The following OR2L13 variants were observed in gnomAD, a reference collection of about 807,000 sequenced individuals.
The protein encoded by OR2L13 is olfactory receptor family 2 subfamily L member 13.
Under a neutral mutation model 15.3 loss-of-function variants are expected in OR2L13, and 14 were observed. That is an observed-to-expected ratio of 0.91 (90% CI 0.60 to 1.43). OR2L13 has a LOEUF of 1.43. Among genes scored for constraint, OR2L13 ranks in the 40% most tolerant of loss-of-function variants. OR2L13 has a pLI of 0.00. For synonymous variants in OR2L13, 152 were observed against 142.9 expected, an observed-to-expected ratio of 1.06 and a Z score of -0.45; for missense variants, 367 against 387.9, an observed-to-expected ratio of 0.95 and a Z score of 0.45.
At chr1:248,063,609 A>G in the OR2L13 span, among the ~76,000 whole-genome samples, 2 of 152,214 alleles carry the variant, frequency 1.3e-5, no homozygotes, top group African/African-American at 4.8e-5. Context: ...GAGAGAAAAT[A>G]GGCCTTCCAT....
At chr1:248,067,482 T>C in the OR2L13 span, among the ~76,000 whole-genome samples, 1 of 152,242 alleles carries the variant, frequency 6.6e-6, no homozygotes, top group African/African-American at 2.4e-5. Flanking sequence ...AGATTAATTT[T>C]CTTTAATAGC....
At chr1:247,992,951 G>T in the OR2L13 span, among the ~76,000 whole-genome samples, 1 of 152,246 alleles carries the variant, frequency 6.6e-6, no homozygotes, top group Admixed American at 6.5e-5. Context: ...TCTTCAGACT[G>T]CTTTCCATAG....
At chr1:247,967,601 A>G in the OR2L13 span, among the ~76,000 whole-genome samples, 1 of 152,180 alleles carries the variant, frequency 6.6e-6, no homozygotes, top group Non-Finnish European at 1.5e-5. Context: ...TTTAGTATCA[A>G]TATTCCATTA....
chr1:248,003,569 T>G, the OR2L13 span: 233 of 1,612,510 alleles, frequency 1.4e-4, 2 homozygotes, highest in Middle Eastern at 2.1e-3. Flanking sequence ...GATAACAGGA[T>G]CTTGGATCAT....
chr1:248,096,351 C>T (rs988215612), upstream of OR2L13, among the ~76,000 whole-genome samples: 8 of 151,358 alleles, frequency 5.3e-5, no homozygotes, highest in South Asian at 1.7e-3. Flanking sequence ...CCACTGCACT[C>T]CAGCCTGGGC....
the OR2L13 span, among the ~76,000 whole-genome samples, chr1:248,043,757 CAG>C: frequency 1.3e-5 from 2 of 152,226 alleles, no homozygotes; most frequent in South Asian, 4.2e-4. Context: ...ACTCCACAGA[CAG>C]AGTAGGGCGT....
At chr1:248,046,259 C>A in the OR2L13 span, among the ~76,000 whole-genome samples, 3 of 151,878 alleles carry the variant, frequency 2.0e-5, no homozygotes, top group Non-Finnish European at 4.4e-5. Flanking sequence ...TGTTTAATAC[C>A]CAAAATATGT....
the OR2L13 span, chr1:248,003,859 C>T: frequency 6.2e-7 from 1 of 1,612,856 alleles, no homozygotes. Flanking sequence ...GCAGCACCCA[C>T]CTCACTGTAG....
chr1:248,018,118 G>A, the OR2L13 span, among the ~76,000 whole-genome samples: 2 of 148,688 alleles, frequency 1.3e-5, no homozygotes, highest in Non-Finnish European at 2.9e-5. Context: ...TCACACCACT[G>A]CACTCCAGCC....
the OR2L13 span, among the ~76,000 whole-genome samples, chr1:248,072,461 T>C: frequency 1.3e-5 from 2 of 152,122 alleles, no homozygotes; most frequent in Admixed American, 6.6e-5. Context: ...CCTTACACCT[T>C]ATACAAAAAT....
At chr1:247,993,760 GGGGAGAGAGAGAGAGA>G in the OR2L13 span, among the ~76,000 whole-genome samples, 145 of 53,764 alleles carry the variant, frequency 2.7e-3, 1 homozygote, top group South Asian at 3.9e-3. Flanking sequence ...ACAGAGAGAG[GGGGAGAGAGAGAGAGA>G]GAGAGAGAGA....
chr1:247,979,034 T>C, the OR2L13 span, among the ~76,000 whole-genome samples: 1 of 152,142 alleles, frequency 6.6e-6, no homozygotes, highest in Non-Finnish European at 1.5e-5. Context: ...CTTTCTTTCA[T>C]ACAGAAATCC....
chr1:248,043,709 A>G, the OR2L13 span, among the ~76,000 whole-genome samples: 1 of 152,152 alleles, frequency 6.6e-6, no homozygotes, highest in African/African-American at 2.4e-5. Context: ...CAAAGCAAAA[A>G]CAAGTTTATT....
chr1:247,964,426 A>C, the OR2L13 span, among the ~76,000 whole-genome samples: 2 of 152,164 alleles, frequency 1.3e-5, no homozygotes, highest in Admixed American at 6.6e-5. Flanking sequence ...CTAGAAAATA[A>C]CACATGACTT....
the OR2L13 span, among the ~76,000 whole-genome samples, chr1:248,043,456 A>T: frequency 6.6e-6 from 1 of 152,212 alleles, no homozygotes; most frequent in Non-Finnish European, 1.5e-5. Context: ...TATGCATGAT[A>T]CTTGGAGAAA....
At chr1:248,088,093 A>G in the OR2L13 span, among the ~76,000 whole-genome samples, 2 of 152,182 alleles carry the variant, frequency 1.3e-5, no homozygotes, top group African/African-American at 4.8e-5. Context: ...ATAGCAATGT[A>G]AACAATGTTA....
the OR2L13 span, among the ~76,000 whole-genome samples, chr1:247,987,033 T>G: frequency 1.3e-5 from 2 of 151,550 alleles, no homozygotes; most frequent in African/African-American, 2.4e-5. Context: ...GTTATGTTTA[T>G]TCCTAAGTGT....
chr1:247,957,156 G>GGCA, the OR2L13 span, among the ~76,000 whole-genome samples: 46 of 132,616 alleles, frequency 3.5e-4, no homozygotes, highest in Middle Eastern at 4.1e-3. Context: ...TAGCATGAAC[G>GGCA]TTGTTGAATT....
chr1:248,101,024 T>C (rs1383323430), exon 3 of OR2L13: 1 of 152,280 alleles, frequency 6.6e-6, no homozygotes, highest in Admixed American at 6.5e-5. Flanking sequence ...TTAATAAAAC[T>C]ATTCAGGGAG....
Sources: allele counts gnomAD v4.1 joint callset (sites outside exome capture counted in the v4.1 genomes callset), GRCh38; gene constraint gnomAD v4.1.1; transcripts MANE v1.5; gene names NCBI Gene and HGNC (gene_info 2026-07-23, HGNC 2026-07-21).